TAF4B: variants seen among roughly 807,000 people sequenced by gnomAD.
TAF4B encodes transcription initiation factor TFIID subunit 4B.
In TAF4B, 38 loss-of-function variants were observed where a neutral mutation model predicts 86.4. That is an observed-to-expected ratio of 0.44 (90% CI 0.34 to 0.58). TAF4B has a LOEUF of 0.58. Among genes scored for constraint, TAF4B ranks in the 20% least tolerant of loss-of-function variants. The pLI, the probability that TAF4B is intolerant of heterozygous loss-of-function variation, is 0.02. For missense variants in TAF4B, 988 were observed against 1,027.6 expected (o/e 0.96, Z 0.53); for synonymous variants, 388 against 391.2 (o/e 0.99, Z 0.10).
chr18:26,299,742 A>G (rs1397576817), intron 9 of TAF4B, among the ~76,000 whole-genome samples: 2 of 152,126 alleles, frequency 1.3e-5, no homozygotes, highest in African/African-American at 2.4e-5. Context: ...TTTAATGCCA[A>G]TTTCATGAAG....
At chr18:26,296,756 C>T (rs1436287742) in intron 9 of TAF4B, among the ~76,000 whole-genome samples, 1 of 152,130 alleles carries the variant, frequency 6.6e-6, no homozygotes, top group African/African-American at 2.4e-5. Context: ...TCTGCACAAC[C>T]ATTGATCTGC....
At chr18:26,243,814 C>T (rs1291266776) in intron 1 of TAF4B, among the ~76,000 whole-genome samples, 1 of 152,222 alleles carries the variant, frequency 6.6e-6, no homozygotes, top group Non-Finnish European at 1.5e-5. Flanking sequence ...TCAGGACCCT[C>T]AGCTGCAGGT....
intron 5 of TAF4B, among the ~76,000 whole-genome samples, chr18:26,280,129 T>C (rs2056430372): frequency 1.3e-5 from 2 of 152,072 alleles, no homozygotes; most frequent in Non-Finnish European, 2.9e-5. Flanking sequence ...AGAATGAAAC[T>C]GGACCCCTAC....
At chr18:26,321,708 A>G (rs962517607) in intron 11 of TAF4B, among the ~76,000 whole-genome samples, 4 of 152,162 alleles carry the variant, frequency 2.6e-5, no homozygotes, top group Non-Finnish European at 2.9e-5. Flanking sequence ...CATTATCTCA[A>G]ATCTACCCAT....
At chr18:26,380,463 G>A (rs1348425872) in intron 14 of TAF4B, among the ~76,000 whole-genome samples, 1 of 152,104 alleles carries the variant, frequency 6.6e-6, no homozygotes, top group African/African-American at 2.4e-5. Flanking sequence ...TTTTCATTGT[G>A]GTCAGAGAAC....
chr18:26,277,792 A>G (rs1460240591), intron 5 of TAF4B, among the ~76,000 whole-genome samples: 1 of 152,212 alleles, frequency 6.6e-6, no homozygotes, highest in Non-Finnish European at 1.5e-5. Context: ...ATACTGGTTC[A>G]CTGAGTTATG....
At chr18:26,372,961 A>AG (rs2057416773) in intron 14 of TAF4B, among the ~76,000 whole-genome samples, 1 of 17,358 alleles carries the variant, frequency 5.8e-5, no homozygotes, top group Non-Finnish European at 8.5e-4. Flanking sequence ...ACTCTGTCTC[A>AG]AAAAAAAAAA....
chr18:26,275,586 T>A (rs905644416), intron 5 of TAF4B, among the ~76,000 whole-genome samples: 20 of 152,372 alleles, frequency 1.3e-4, no homozygotes, highest in African/African-American at 4.6e-4. Context: ...TTTAAAAAAA[T>A]TGTATATGTT....
At chr18:26,277,909 C>T (rs2056401820) in intron 5 of TAF4B, among the ~76,000 whole-genome samples, 1 of 152,192 alleles carries the variant, frequency 6.6e-6, no homozygotes, top group African/African-American at 2.4e-5. Flanking sequence ...AGCTATCAAG[C>T]TCAGAATAGT....
At chr18:26,309,950 G>A (rs1275419474) in intron 9 of TAF4B, among the ~76,000 whole-genome samples, 2 of 152,082 alleles carry the variant, frequency 1.3e-5, no homozygotes, top group African/African-American at 2.4e-5. Context: ...TCAGCCTCCC[G>A]AGTAGCTGGG....
At chr18:26,253,388 GT>G (rs981897893) in intron 1 of TAF4B, among the ~76,000 whole-genome samples, 1 of 152,154 alleles carries the variant, frequency 6.6e-6, no homozygotes, top group African/African-American at 2.4e-5. Flanking sequence ...AGTAGTTAGT[GT>G]TTGGATACTA....
Position 26,274,720 on chromosome 18 carries a change from G to C in TAF4B, c.655G>C (p.Val219Leu), listed in dbSNP as rs771356084. ...TACTCCTGGAAAGCCATTGAATACT[G>C]TAACTACCCTGAAGCCTTCAAGTTT... The part of the protein sequence containing the change: ...TVTPGKPLNT[V>L]TTLKPSSLGA... The change falls in exon 4 of 15, where the codon GTA becomes CTA. Residue 219 changes from valine (V) to leucine (L), a missense_variant. Coordinates refer to ENST00000269142, the MANE Select transcript of TAF4B (RefSeq NM_005640.3). The C allele has an allele frequency of 2.9e-5, 47 of 1,614,044 alleles. No homozygotes were observed. Among genetic ancestry groups the C allele is most frequent in the Non-Finnish European group, 3.8e-5 (45 of 1,180,026 alleles).
At chr18:26,262,219 G>A (rs1232127226) in intron 1 of TAF4B, among the ~76,000 whole-genome samples, 2 of 145,838 alleles carry the variant, frequency 1.4e-5, no homozygotes, top group Non-Finnish European at 1.5e-5. Flanking sequence ...GTGAGGATTG[G>A]GGGTAGATGA....
chr18:26,342,939 A>C (rs910429835), intron 13 of TAF4B, among the ~76,000 whole-genome samples: 1 of 152,370 alleles, frequency 6.6e-6, no homozygotes, highest in East Asian at 1.9e-4. Flanking sequence ...ACAGAAACCA[A>C]TTGTCAGAAT....
chr18:26,304,816 ATT>A, intron 9 of TAF4B: 1 of 985,338 alleles, frequency 1.0e-6, no homozygotes, highest in East Asian at 1.1e-4. Context: ...ATGCTGTGTA[ATT>A]GCTCCTCAGT....
intron 1 of TAF4B, among the ~76,000 whole-genome samples, chr18:26,236,004 A>G (rs1231407092): frequency 6.6e-6 from 1 of 152,218 alleles, no homozygotes; most frequent in East Asian, 1.9e-4. Flanking sequence ...CTTAAGGGAT[A>G]TTGCCTTTGA....
Position 26,286,158 on chromosome 18 carries a change from C to A in TAF4B, c.1249C>A (p.Pro417Thr). The change falls in exon 7 of 15, where the codon CCA (proline) becomes ACA (threonine). Residue 417 changes from proline to threonine, a missense_variant. Transcript: ENST00000269142. ...AGTTGTGACACTTCATTCTGTGGGC[C>A]CAACTGCTGCAACAGGAGGAACAAC... is the stretch of plus-strand genomic sequence containing the variant. ...AGVVTLHSVG[P>T]TAATGGTTAG... 6.2e-7 allele frequency: 1 copy of A among 1,614,122 alleles called. No individual in the cohort carries two copies. The highest frequency in any genetic ancestry group is 8.5e-7 in the Non-Finnish European group (1 of 1,180,012).
chr18:26,315,161 T>TCTCTCTCTCTCTCTCTCTCTCTCA (rs1282068871), intron 9 of TAF4B, 68 bp from the exon 10 acceptor site: 3 of 222,964 alleles, frequency 1.3e-5, no homozygotes, highest in Admixed American at 9.9e-5. Context: ...TCTCTCTCTC[T>TCTCTCTCTCTCTCTCTCTCTCTCA]CACACACACA....
chr18:26,291,997 G>A (rs985379334), intron 7 of TAF4B, among the ~76,000 whole-genome samples: 4 of 152,202 alleles, frequency 2.6e-5, no homozygotes, highest in South Asian at 2.1e-4. Flanking sequence ...CGGATTTATA[G>A]GGAGATTTAA....
Sources: allele counts gnomAD v4.1 joint callset (sites outside exome capture counted in the v4.1 genomes callset), GRCh38; gene constraint gnomAD v4.1.1; transcripts MANE v1.5; gene names NCBI Gene and HGNC (gene_info 2026-07-23, HGNC 2026-07-21).